Variants in ITGA11 observed in about 807,000 individuals in gnomAD.
ITGA11 encodes the protein integrin subunit alpha 11.
A neutral mutation model predicts 141.9 loss-of-function variants in ITGA11; 97 were observed. The observed-to-expected ratio is 0.68, with a 90% CI of 0.58 to 0.81. ITGA11 has a LOEUF of 0.81. Ranked by LOEUF, ITGA11 falls within the 30% of genes least tolerant of loss-of-function variation. The pLI is 0.00. For missense variants in ITGA11, 1,387 were observed against 1,559.2 expected, an observed-to-expected ratio of 0.89 and a Z score of 1.86; for synonymous variants, 658 against 624.6, an observed-to-expected ratio of 1.05 and a Z score of -0.80.
chr15:68,357,336 C>T, intron 6 of ITGA11, 37 bp from the exon 7 acceptor site: 2 of 1,595,048 alleles, frequency 1.3e-6, no homozygotes, highest in Non-Finnish European at 8.5e-7. Context: ...AACATTTTGA[C>T]CCCATGAACC....
Position 68,301,402 on chromosome 15 carries a change from G to A in ITGA11, c.*1657C>T, listed in dbSNP as rs951574820. The A allele has an allele frequency of 4.6e-5, 7 of 152,418 alleles. No individual in the cohort carries two copies. The East Asian group carries it at 5.8e-4, about 13-fold the overall frequency. 9.4% of individuals were successfully genotyped at this position (152,418 alleles called of 1,614,324 possible). ...GGAGAAGTCTGGGAGGCGTGAGAGGGAAGAGCTGGAACCAAGGGCAGAAGC... is the reference window on the plus strand; with the variant it reads ...GGAGAAGTCTGGGAGGCGTGAGAGGAAAGAGCTGGAACCAAGGGCAGAAGC... On this transcript the variant is annotated 3_prime_UTR_variant, in exon 30 of 30. Coordinates refer to ENST00000315757, the MANE Select transcript of ITGA11 (RefSeq NM_001004439.2). This position sits in a 1 kb window ranked among gnomAD's most constrained non-coding sequence, Gnocchi z 4.4.
At chr15:68,405,328 C>T (rs1332875879) in intron 1 of ITGA11, among the ~76,000 whole-genome samples, 1 of 145,112 alleles carries the variant, frequency 6.9e-6, no homozygotes, top group Non-Finnish European at 1.5e-5. Flanking sequence ...TTCTGGAGCA[C>T]TGAGTTAGGA....
chr15:68,360,916 C>T (rs554491638), intron 5 of ITGA11, among the ~76,000 whole-genome samples: 4 of 150,762 alleles, frequency 2.7e-5, no homozygotes, highest in South Asian at 2.1e-4. Flanking sequence ...TGCCAATTCC[C>T]GAACCCTCCA....
At chr15:68,400,894 A>T (rs1317924185) in intron 2 of ITGA11, among the ~76,000 whole-genome samples, 2 of 37,554 alleles carry the variant, frequency 5.3e-5, no homozygotes, top group Non-Finnish European at 9.6e-5. Flanking sequence ...TAAATATTAT[A>T]ATATTATATA....
Position 68,322,179 on chromosome 15 carries a change from G to A in ITGA11, c.2323-676C>T, listed in dbSNP as rs184180337. 1.9e-3 allele frequency among the ~76,000 whole-genome samples: 286 copies of A among 152,346 alleles called. 2 individuals carry two copies. The highest frequency in any genetic ancestry group is 6.3e-3 in the African/African-American group (262 of 41,572). ...AGTGTTGCTGTGGTAAGAGACACAG[G>A]GGTGGGAGAGAGGAAGAGATGGTCA... On this transcript the variant is annotated intron_variant, in intron 18 of 29. Coordinates refer to ENST00000315757, the MANE Select transcript of ITGA11 (RefSeq NM_001004439.2). The surrounding 1 kb of genome is among the most constrained non-coding windows in gnomAD (Gnocchi z 5.6).
chr15:68,402,971 C>T lies in ITGA11; in HGVS notation c.111G>A (p.Arg37=). The T allele has an allele frequency of 6.2e-7, 1 of 1,613,812 alleles. No individual in the cohort carries two copies. Among genetic ancestry groups the T allele is most frequent in the Non-Finnish European group, 8.5e-7 (1 of 1,179,812 alleles). The part of the protein sequence containing the change: ...TRKPRVIPGS[R]TAFFGYTVQQ... The stretch of plus-strand genomic sequence containing the variant: ...GCACTGTGTAGCCAAAGAAGGCGGT[C>T]CTGGAGCCAGGGATGACCCGGGGCT... Residue 37 remains arginine (R), a synonymous_variant, in exon 2 of 30, where the codon AGG becomes AGA. Transcript: ENST00000315757.
At chr15:68,406,213 C>T (rs1896648738) in intron 1 of ITGA11, among the ~76,000 whole-genome samples, 1 of 152,152 alleles carries the variant, frequency 6.6e-6, no homozygotes, top group South Asian at 2.1e-4. Flanking sequence ...CTTCCAAGAC[C>T]TGTGAGATCC....
At chr15:68,372,521 T>C (rs973296265) in intron 2 of ITGA11, among the ~76,000 whole-genome samples, 2 of 152,246 alleles carry the variant, frequency 1.3e-5, no homozygotes, top group Non-Finnish European at 2.9e-5. Flanking sequence ...CCCAGCATTC[T>C]TCCTGCGGAG....
intron 1 of ITGA11, among the ~76,000 whole-genome samples, chr15:68,429,567 G>A (rs1897223145): frequency 6.6e-6 from 1 of 152,118 alleles, no homozygotes; most frequent in African/African-American, 2.4e-5. Context: ...CCCTCAACTT[G>A]GCCTCTGACA....
intron 1 of ITGA11, among the ~76,000 whole-genome samples, chr15:68,415,197 A>G (rs1177584361): frequency 2.6e-5 from 4 of 152,132 alleles, no homozygotes; most frequent in Non-Finnish European, 5.9e-5. Flanking sequence ...TATTCCTCCA[A>G]CTATAATATC....
At chr15:68,397,737 T>TTATATTTAAAATATTATATTTAAAA (rs1896354261) in intron 2 of ITGA11, among the ~76,000 whole-genome samples, 1 of 62,894 alleles carries the variant, frequency 1.6e-5, no homozygotes, top group African/African-American at 7.5e-5. Context: ...ATTTAAAATA[T>TTATATTTAAAATATTATATTTAAAA]TATATTTAAA....
intron 2 of ITGA11, among the ~76,000 whole-genome samples, chr15:68,396,187 G>A (rs543797071): frequency 1.3e-5 from 2 of 151,998 alleles, no homozygotes; most frequent in African/African-American, 2.4e-5. Context: ...GAGAATACGT[G>A]GTGACCAAAT....
chr15:68,398,289 AT>A (rs1351247943), intron 2 of ITGA11, among the ~76,000 whole-genome samples: 1 of 151,688 alleles, frequency 6.6e-6, no homozygotes, highest in African/African-American at 2.4e-5. Context: ...TAGGCTCAAA[AT>A]AAAAGGATGG....
chr15:68,342,117 C>T (rs1894590907), intron 10 of ITGA11, among the ~76,000 whole-genome samples: 1 of 152,046 alleles, frequency 6.6e-6, no homozygotes, highest in Non-Finnish European at 1.5e-5. Flanking sequence ...CTGGGGAAGC[C>T]CAGACATTTT....
chr15:68,316,531 G>T (rs892427764), intron 21 of ITGA11, among the ~76,000 whole-genome samples: 3 of 152,196 alleles, frequency 2.0e-5, no homozygotes, highest in Non-Finnish European at 4.4e-5. Context: ...TCCTGGGTTT[G>T]TCGGTGCCTC....
intron 24 of ITGA11, among the ~76,000 whole-genome samples, chr15:68,312,106 A>G (rs929266009): frequency 6.6e-6 from 1 of 152,212 alleles, no homozygotes; most frequent in African/African-American, 2.4e-5. Context: ...GGGCTGAGGG[A>G]GCTATCGGGG....
rs757440715 is a variant in ITGA11, at chr15:68,298,130, A to T, written c.*4929T>A. 2 of 152,202 alleles carry T rather than the reference A, an allele frequency of 1.3e-5. No homozygotes were observed. Among genetic ancestry groups the T allele is most frequent in the African/African-American group, 2.4e-5 (1 of 41,454 alleles). The allele number at this position is 152,202 out of a possible 1,614,324, so 9.4% of individuals were successfully genotyped here. A position where few individuals can be genotyped will look rare whatever the true frequency, so the allele number is the denominator to read the frequency against. On this transcript the variant is annotated 3_prime_UTR_variant, in exon 30 of 30. Coordinates refer to ENST00000315757, the MANE Select transcript of ITGA11 (RefSeq NM_001004439.2). Reference sequence around the variant, plus strand: ...GCTGTATATGACAGATCACCAAAGAAAATACTGGCAGTAGTGTATTCCTTC... The same window carrying T: ...GCTGTATATGACAGATCACCAAAGATAATACTGGCAGTAGTGTATTCCTTC...
At chr15:68,353,579 A>G (rs1894979075) in intron 7 of ITGA11, among the ~76,000 whole-genome samples, 1 of 152,252 alleles carries the variant, frequency 6.6e-6, no homozygotes, top group African/African-American at 2.4e-5. Context: ...TGTGAATGTC[A>G]TATGAATCTG....
intron 2 of ITGA11, among the ~76,000 whole-genome samples, chr15:68,372,390 G>A (rs562624485): frequency 1.8e-4 from 28 of 152,068 alleles, no homozygotes; most frequent in East Asian, 1.2e-3. Flanking sequence ...TACGCCTCTC[G>A]GGGGCTTGAT....
Sources: allele counts gnomAD v4.1 joint callset (sites outside exome capture counted in the v4.1 genomes callset), GRCh38; gene constraint gnomAD v4.1.1; non-coding constraint Gnocchi (gnomAD v3.1); transcripts MANE v1.5; gene names NCBI Gene and HGNC (gene_info 2026-07-23, HGNC 2026-07-21).